The following LDLRAD1 variants were observed in gnomAD, a reference collection of about 807,000 sequenced individuals.
LDLRAD1 encodes low-density lipoprotein receptor class A domain-containing protein 1.
LDLRAD1 carries 17 observed loss-of-function variants against 24.8 expected under a neutral mutation model. That is an observed-to-expected ratio of 0.69 (90% CI 0.47 to 1.03). The LOEUF is 1.03. Ranked by LOEUF, LDLRAD1 falls within the 50% of genes least tolerant of loss-of-function variation. The pLI, the probability that LDLRAD1 is intolerant of heterozygous loss-of-function variation, is 0.00. For missense variants in LDLRAD1, 277 were observed against 271.0 expected (o/e 1.02, Z -0.16); for synonymous variants, 103 against 108.2 (o/e 0.95, Z 0.30).
In LDLRAD1 at chr1:54,007,366, C is replaced by G. The variant is rs1052363999; in HGVS notation, c.*1616G>C. 3.9e-5 allele frequency: 6 copies of G among 152,096 alleles called. No homozygotes were observed. Among genetic ancestry groups the G allele is most frequent in the Non-Finnish European group, 8.8e-5 (6 of 68,034 alleles). 9.4% of individuals were successfully genotyped at this position (152,096 alleles called of 1,614,324 possible). A position where few individuals can be genotyped will look rare whatever the true frequency, so the allele number is the denominator to read the frequency against. On this transcript the variant is annotated 3_prime_UTR_variant, in exon 6 of 6. Transcript: ENST00000371360. ...TCTGTCTCCCTCGACAGGAGCCCTC[C>G]CATCAGGCAGATCCCAAGTCTCTCT...
intron 5 of LDLRAD1, among the ~76,000 whole-genome samples, chr1:54,009,444 G>A (rs1655957887): frequency 6.6e-6 from 1 of 152,102 alleles, no homozygotes; most frequent in African/African-American, 2.4e-5. Context: ...TCCTTACCCT[G>A]AGTCCAGCTA....
At position 54,012,128 on chromosome 1, in the gene LDLRAD1, C is replaced by G; in HGVS notation, c.340+15G>C. The G allele has an allele frequency of 6.2e-7, 1 of 1,612,958 alleles. No individual in the cohort carries two copies. The highest frequency in any genetic ancestry group is 1.1e-5 in the South Asian group (1 of 91,060). ...GGGGAACCCCTGGGAGGGGCAGCAC[C>G]GAGCGGGTACTCACGGCACAAGCTC... is the stretch of plus-strand genomic sequence containing the variant. On this transcript the variant is annotated intron_variant, in intron 4 of 5. Transcript: ENST00000371360.
chr1:54,008,875 C>CGGTGGTCGGCGTAT lies in LDLRAD1; in HGVS notation c.*106_*107insATACGCCGACCACC. 2 of 761,218 alleles carry CGGTGGTCGGCGTAT rather than the reference C, an allele frequency of 2.6e-6. No individual in the cohort carries two copies. The highest frequency in any genetic ancestry group is 1.8e-6 in the Non-Finnish European group (1 of 548,848). 47.2% of individuals were successfully genotyped at this position (761,218 alleles called of 1,614,324 possible). On this transcript the variant is annotated 3_prime_UTR_variant, in exon 6 of 6. Coordinates refer to ENST00000371360, the MANE Select transcript of LDLRAD1 (RefSeq NM_001010978.4). ...CCTATTCAGAAATGATGTGTAGATC[C>CGGTGGTCGGCGTAT]CATTTCAAAGGCTGCTTCCTGCCCT...
In LDLRAD1 at chr1:54,008,891, T is replaced by C; in HGVS notation, c.*91A>G. On this transcript the variant is annotated 3_prime_UTR_variant, in exon 6 of 6. Coordinates refer to ENST00000371360, the MANE Select transcript of LDLRAD1 (RefSeq NM_001010978.4). ...GTGTAGATCCCATTTCAAAGGCTGC[T>C]TCCTGCCCTTGTGCGCTAGGATTTG... The C allele has an allele frequency of 9.0e-7, 1 of 1,109,570 alleles. No individual in the cohort carries two copies. The highest frequency in any genetic ancestry group is 2.1e-5 in the South Asian group (1 of 46,718). 68.7% of individuals were successfully genotyped at this position (1,109,570 alleles called of 1,614,324 possible). A position where few individuals can be genotyped will look rare whatever the true frequency, so the allele number is the denominator to read the frequency against.
intron 5 of LDLRAD1, among the ~76,000 whole-genome samples, 166 bp downstream of exon 5, chr1:54,010,116 G>C (rs1655982866): frequency 6.6e-6 from 1 of 152,132 alleles, no homozygotes; most frequent in Non-Finnish European, 1.5e-5. Context: ...ACTTGGAGTG[G>C]TAGTGAGTAC....
Position 54,007,342 on chromosome 1 carries a change from C to G in LDLRAD1, c.*1640G>C, listed in dbSNP as rs776629003. On this transcript the variant is annotated 3_prime_UTR_variant, in exon 6 of 6. Transcript: ENST00000371360. ...TATTAATTTTTCAGTGGGGATATGT[C>G]TGTCTCCCTCGACAGGAGCCCTCCC... 4 of 152,216 alleles carry G rather than the reference C, an allele frequency of 2.6e-5. No homozygotes were observed. The highest frequency in any genetic ancestry group is 4.8e-5 in the African/African-American group (2 of 41,444). 9.4% of individuals were successfully genotyped at this position (152,216 alleles called of 1,614,324 possible). A position where few individuals can be genotyped will look rare whatever the true frequency, so the allele number is the denominator to read the frequency against.
chr1:54,016,080 G>A (rs1213645804), intron 2 of LDLRAD1, among the ~76,000 whole-genome samples: 1 of 152,144 alleles, frequency 6.6e-6, no homozygotes, highest in Non-Finnish European at 1.5e-5. Flanking sequence ...GTCCTCAGAA[G>A]CAGAATGGGA....
intron 3 of LDLRAD1, among the ~76,000 whole-genome samples, chr1:54,013,919 G>A (rs1050254900): frequency 2.0e-5 from 3 of 152,048 alleles, no homozygotes; most frequent in African/African-American, 7.2e-5. Flanking sequence ...CCAGGCCAGG[G>A]GAAGAGGAAG....
rs143163846 is a variant in LDLRAD1 at position 54,014,238 on chromosome 1, G to A, written c.200C>T (p.Pro67Leu). The A allele has an allele frequency of 2.1e-5, 33 of 1,567,760 alleles. No individual in the cohort carries two copies. Among genetic ancestry groups the A allele is most frequent in the Middle Eastern group, 3.7e-4 (2 of 5,364 alleles). ...VTILGLPSCT[P>L]GAQACITLTN... The stretch of plus-strand genomic sequence containing the variant: ...CACCCTCTCTTGGCCGCCCTGACCT[G>A]GGGTGCATGATGGGAGTCCAAGAAT... Residue 67 changes from proline to leucine, a missense_variant and splice_region_variant, in exon 3 of 6, where the codon CCA becomes CTA. Coordinates refer to ENST00000371360, the MANE Select transcript of LDLRAD1 (RefSeq NM_001010978.4).
In LDLRAD1 at chr1:54,010,343, G is replaced by A. The variant is rs1404344630; in HGVS notation, c.408C>T (p.Tyr136=). 5 of 1,614,052 alleles carry A rather than the reference G, an allele frequency of 3.1e-6. No homozygotes were observed. The South Asian group carries it at 4.4e-5, about 14-fold the overall frequency. ...AHCGDPASWI[Y]SDQKCDGTNN... Reference sequence around the variant, plus strand: ...TAGTGCCATCACATTTTTGGTCTGAGTAGATCCAGGAGGCCGGGTCTCCAC... The same window carrying A: ...TAGTGCCATCACATTTTTGGTCTGAATAGATCCAGGAGGCCGGGTCTCCAC... The change falls in exon 5 of 6, where the codon TAC becomes TAT. Residue 136 remains tyrosine, a synonymous_variant. Coordinates refer to ENST00000371360, the MANE Select transcript of LDLRAD1 (RefSeq NM_001010978.4).
At chr1:54,015,926 A>T (rs1656286777) in intron 2 of LDLRAD1, among the ~76,000 whole-genome samples, 1 of 152,080 alleles carries the variant, frequency 6.6e-6, no homozygotes, top group African/African-American at 2.4e-5. Context: ...AAGTGCTGGG[A>T]TTACAGGTGT....
At chr1:54,014,446 C>G (rs939195645) in intron 2 of LDLRAD1, 82 bp from the exon 3 acceptor site, 84 of 1,326,254 alleles carry the variant, frequency 6.3e-5, no homozygotes, top group Non-Finnish European at 4.8e-5. Context: ...TCCGCCCTGC[C>G]CGCTGCAAGC....
chr1:54,012,240 G>T lies in LDLRAD1; in HGVS notation c.243C>A (p.Phe81Leu). ...TGCAGCTCCTCTGGTCATGGCACAAGAAGCCTGTCCTGTTTGTCAGTGTTA... is the reference window on the plus strand; with the variant it reads ...TGCAGCTCCTCTGGTCATGGCACAATAAGCCTGTCCTGTTTGTCAGTGTTA... ...ACITLTNRTG[F>L]LCHDQRSCIP... The change falls in exon 4 of 6, where the codon TTC (phenylalanine) becomes TTA (leucine). Residue 81 changes from phenylalanine to leucine, a missense_variant. Coordinates refer to ENST00000371360, the MANE Select transcript of LDLRAD1 (RefSeq NM_001010978.4). 1 of 1,614,162 alleles carries T rather than the reference G, an allele frequency of 6.2e-7. No individual in the cohort carries two copies. Among genetic ancestry groups the T allele is most frequent in the Non-Finnish European group, 8.5e-7 (1 of 1,179,998 alleles).
In LDLRAD1 at chr1:54,008,943, C is replaced by G; in HGVS notation, c.*39G>C. On this transcript the variant is annotated 3_prime_UTR_variant, in exon 6 of 6. Transcript: ENST00000371360. Reference sequence around the variant, plus strand: ...TTTTCATGTGAAGGGTTATCAGTGCCATTCCAGCCAGCCTTCCATGCTGGC... The same window carrying G: ...TTTTCATGTGAAGGGTTATCAGTGCGATTCCAGCCAGCCTTCCATGCTGGC... The G allele has an allele frequency of 1.9e-6, 3 of 1,584,296 alleles. No homozygotes were observed. In the South Asian group the frequency reaches 3.4e-5, roughly 18 times the overall value.
chr1:54,008,249 A>G lies in LDLRAD1; in HGVS notation c.*733T>C, dbSNP rs1655894703. The G allele has an allele frequency of 6.6e-6, 1 of 152,242 alleles. No homozygotes were observed. The highest frequency in any genetic ancestry group is 1.5e-5 in the Non-Finnish European group (1 of 68,068). The allele number at this position is 152,242 out of a possible 1,614,324, so 9.4% of individuals were successfully genotyped here. On this transcript the variant is annotated 3_prime_UTR_variant, in exon 6 of 6. Transcript: ENST00000371360. ...TTCATGTGCTGTGTCACTTGGTTAA[A>G]TCAGTAGAGCCTGCTGGGTTAACTA...
At chr1:54,013,600 C>A (rs1453328431) in intron 3 of LDLRAD1, among the ~76,000 whole-genome samples, 1 of 152,090 alleles carries the variant, frequency 6.6e-6, no homozygotes, top group African/African-American at 2.4e-5. Flanking sequence ...TGCTTCCTCC[C>A]ACCCCTCAGG....
intron 3 of LDLRAD1, 85 bp from the exon 4 acceptor site, chr1:54,012,365 G>A: frequency 2.7e-6 from 4 of 1,458,484 alleles, no homozygotes; most frequent in Non-Finnish European, 3.8e-6. Flanking sequence ...GCCTAGAGCT[G>A]GCCTGAGGGG....
intron 2 of LDLRAD1, among the ~76,000 whole-genome samples, chr1:54,015,897 C>T (rs1256858116): frequency 2.6e-5 from 4 of 152,050 alleles, no homozygotes; most frequent in South Asian, 2.1e-4. Flanking sequence ...TCAGGTGATC[C>T]GCCCACCTTG....
At chr1:54,009,636 C>T (rs537325231) in intron 5 of LDLRAD1, among the ~76,000 whole-genome samples, 10 of 152,292 alleles carry the variant, frequency 6.6e-5, no homozygotes, top group African/African-American at 2.4e-4. Context: ...CACCTCCTTT[C>T]GGCATCAGCA....
Sources: gnomAD v4.1 joint callset for allele counts (sites outside exome capture counted in the v4.1 genomes callset) on GRCh38, gnomAD v4.1.1 for gene constraint, MANE v1.5 for transcripts, NCBI Gene and HGNC (gene_info 2026-07-23, HGNC 2026-07-21) for gene names.